The following NCALD variants were observed in gnomAD, a reference collection of about 807,000 sequenced individuals.
NCALD encodes neurocalcin delta, also known as neurocalcin-delta.
NCALD carries 10 observed loss-of-function variants against 18.6 expected under a neutral mutation model. The observed-to-expected ratio is 0.54, with a 90% confidence interval of 0.33 to 0.91. The LOEUF (loss-of-function observed/expected upper bound fraction) is 0.91, where lower values mean the gene tolerates loss of function less well. Among genes scored for constraint, NCALD ranks in the 40% least tolerant of loss-of-function variants. The pLI, the probability that NCALD is intolerant of heterozygous loss-of-function variation, is 0.03. For missense variants in NCALD, 184 were observed against 247.6 expected (o/e 0.74, Z 1.72); for synonymous variants, 88 against 87.4 (o/e 1.01, Z -0.04).
chr8:101,839,694 T>A (rs1814561014), intron 4 of NCALD, among the ~76,000 whole-genome samples: 1 of 152,220 alleles, frequency 6.6e-6, no homozygotes, highest in Non-Finnish European at 1.5e-5. Flanking sequence ...GCTTCCATAT[T>A]CCACAGGGAT....
chr8:102,078,851 T>C (rs1824433475), intron 1 of NCALD, among the ~76,000 whole-genome samples: 1 of 152,250 alleles, frequency 6.6e-6, no homozygotes. Context: ...GTTTGCTTTT[T>C]ATCTGATTAT....
At chr8:102,034,304 C>A (rs185194618) in intron 1 of NCALD, among the ~76,000 whole-genome samples, 5 of 152,310 alleles carry the variant, frequency 3.3e-5, no homozygotes, top group Admixed American at 2.6e-4. Flanking sequence ...AATGTAAATG[C>A]ACCAACTAAT....
intron 3 of NCALD, among the ~76,000 whole-genome samples, chr8:101,913,043 G>GCC (rs1446946388): frequency 6.6e-6 from 1 of 152,144 alleles, no homozygotes; most frequent in Non-Finnish European, 1.5e-5. Flanking sequence ...GCTGGATTCT[G>GCC]CCAACAACTG....
chr8:101,789,179 A>G (rs1314623633), intron 1 of NCALD: 3 of 152,198 alleles, frequency 2.0e-5, no homozygotes, highest in African/African-American at 7.2e-5. Flanking sequence ...AGTGTACCTC[A>G]TCAAAGATAG....
intron 3 of NCALD, chr8:101,690,516 T>C: frequency 2.0e-6 from 2 of 985,440 alleles, no homozygotes; most frequent in Non-Finnish European, 2.4e-6. Context: ...AGTATCTATC[T>C]TTTGACCTCT....
chr8:101,955,921 TA>T (rs1338853179), intron 2 of NCALD, among the ~76,000 whole-genome samples: 2 of 152,116 alleles, frequency 1.3e-5, no homozygotes, highest in African/African-American at 2.4e-5. Flanking sequence ...CTCAGGTATT[TA>T]AGGGTAATGG....
At chr8:101,726,218 C>G (rs1485044643) in intron 1 of NCALD, among the ~76,000 whole-genome samples, 1 of 152,166 alleles carries the variant, frequency 6.6e-6, no homozygotes, top group African/African-American at 2.4e-5. Context: ...TGCTTTCCCT[C>G]TGACTGAAGC....
intron 1 of NCALD, among the ~76,000 whole-genome samples, chr8:101,748,925 G>T (rs1039653420): frequency 6.6e-6 from 1 of 152,182 alleles, no homozygotes; most frequent in South Asian, 2.1e-4. Context: ...AGGTTTGTTG[G>T]TGCCACAGGA....
intron 1 of NCALD, chr8:102,124,216 A>T (rs1826040058): frequency 2.8e-5 from 4 of 143,194 alleles, no homozygotes; most frequent in African/African-American, 5.0e-5. Context: ...CGAGAAGCGG[A>T]GGGAAGGCGC....
chr8:101,848,852 ATTACTGG>A (rs1814978492), intron 4 of NCALD, among the ~76,000 whole-genome samples: 5 of 152,184 alleles, frequency 3.3e-5, no homozygotes, highest in African/African-American at 1.2e-4. Context: ...CAGCAATCCC[ATTACTGG>A]GTATATACCC....
chr8:101,810,536 CAGG>C (rs1215084513), intron 4 of NCALD, among the ~76,000 whole-genome samples: 4 of 152,112 alleles, frequency 2.6e-5, no homozygotes, highest in African/African-American at 9.7e-5. Flanking sequence ...TTCTTAACAT[CAGG>C]AGAATTATGA....
At chr8:102,118,396 T>G (rs920741427) in intron 1 of NCALD, among the ~76,000 whole-genome samples, 4 of 152,266 alleles carry the variant, frequency 2.6e-5, no homozygotes, top group African/African-American at 9.6e-5. Context: ...CCTTTGTAAA[T>G]AGTCCCTTCA....
chr8:101,821,898 A>G (rs1813735815), intron 4 of NCALD, among the ~76,000 whole-genome samples: 1 of 151,892 alleles, frequency 6.6e-6, no homozygotes, highest in East Asian at 1.9e-4. Context: ...AAAAAAAAAA[A>G]AAAAAAAAAT....
chr8:101,802,093 C>T (rs562155309), intron 4 of NCALD, among the ~76,000 whole-genome samples: 12 of 152,276 alleles, frequency 7.9e-5, no homozygotes, highest in Middle Eastern at 3.4e-3. Flanking sequence ...ACAGCATGAG[C>T]TCAAATCATG....
At chr8:102,032,012 A>C (rs1351836507) in intron 1 of NCALD, among the ~76,000 whole-genome samples, 2 of 151,954 alleles carry the variant, frequency 1.3e-5, no homozygotes, top group African/African-American at 2.4e-5. Context: ...ACAGCTGCTG[A>C]TTTTTCCCCT....
intron 3 of NCALD, among the ~76,000 whole-genome samples, chr8:101,890,386 C>G (rs893618437): frequency 5.9e-5 from 9 of 152,188 alleles, no homozygotes; most frequent in African/African-American, 2.2e-4. Flanking sequence ...TACCCTCCCT[C>G]TGAGCAAATC....
chr8:101,716,001 G>C (rs1445765498), intron 2 of NCALD, among the ~76,000 whole-genome samples: 1 of 152,154 alleles, frequency 6.6e-6, no homozygotes, highest in Non-Finnish European at 1.5e-5. Context: ...TCATTCTGCT[G>C]TAAAGACGCA....
intron 1 of NCALD, among the ~76,000 whole-genome samples, chr8:102,034,015 T>TACACACACACACACAC (rs34381236): frequency 3.2e-4 from 48 of 147,992 alleles, no homozygotes; most frequent in African/African-American, 1.1e-3. Context: ...TCCCTCTAAA[T>TACACACACACACACAC]ACACACACAC....
upstream of NCALD, among the ~76,000 whole-genome samples, chr8:101,792,114 G>A (rs1812468999): frequency 6.6e-6 from 1 of 152,122 alleles, no homozygotes; most frequent in Admixed American, 6.6e-5. Flanking sequence ...AGAAGAGACT[G>A]CCCTCAAAAC....
Sources: allele counts gnomAD v4.1 joint callset (sites outside exome capture counted in the v4.1 genomes callset), GRCh38; gene constraint gnomAD v4.1.1; transcripts MANE v1.5; gene names NCBI Gene and HGNC (gene_info 2026-07-23, HGNC 2026-07-21).